TMEM181: variants seen among roughly 807,000 people sequenced by gnomAD.
The protein encoded by TMEM181 is G protein-coupled receptor 178.
In TMEM181, 39 loss-of-function variants were observed where a neutral mutation model predicts 71.9. The observed-to-expected ratio is 0.54, with a 90% confidence interval of 0.42 to 0.71. TMEM181 has a LOEUF of 0.71. Ranked by LOEUF, TMEM181 falls within the 30% of genes least tolerant of loss-of-function variation. TMEM181 has a pLI of 0.00. For missense variants in TMEM181, 595 were observed against 583.0 expected, an observed-to-expected ratio of 1.02 and a Z score of -0.21; for synonymous variants, 245 against 228.8, an observed-to-expected ratio of 1.07 and a Z score of -0.64.
rs1783436559 is a variant in TMEM181 at position 158,580,952 on chromosome 6, T to C, written c.125T>C (p.Ile42Thr). The C allele has an allele frequency of 6.2e-7, 1 of 1,609,246 alleles. No homozygotes were observed. Among genetic ancestry groups the C allele is most frequent in the South Asian group, 1.1e-5 (1 of 90,842 alleles). ...IFVGIRGPKVIQTSAANFSLN... is the reference protein window; with the variant it reads ...IFVGIRGPKVTQTSAANFSLN... The stretch of plus-strand genomic sequence containing the variant: ...TGTTACACTTTAGGACCTAAAGTGA[T>C]CCAGACTTCTGCGGCTAATTTTTCA... The change falls in exon 3 of 17, where the codon ATC (isoleucine) becomes ACC (threonine). Residue 42 changes from isoleucine (I) to threonine (T), a missense_variant. Coordinates refer to ENST00000684151, the MANE Select transcript of TMEM181 (RefSeq NM_001376852.1).
At chr6:158,558,863 G>A (rs566946745), upstream of TMEM181, among the ~76,000 whole-genome samples, 8 of 152,196 alleles carry the variant, frequency 5.3e-5, no homozygotes, top group South Asian at 1.7e-3. Context: ...AACTCCCTCC[G>A]ACTCACCCCT....
At chr6:158,559,952 G>C (rs1028352204), upstream of TMEM181, 57 of 661,586 alleles carry the variant, frequency 8.6e-5, no homozygotes, top group Non-Finnish European at 9.8e-5. Context: ...TCCCGGCCGT[G>C]GGGCTCCGCC....
At chr6:158,614,778 G>T (rs971445034) in intron 10 of TMEM181, among the ~76,000 whole-genome samples, 11 of 152,240 alleles carry the variant, frequency 7.2e-5, no homozygotes, top group Middle Eastern at 6.8e-3. Context: ...CAGAATGATG[G>T]TTTCCAGCTT....
At chr6:158,587,633 T>C (rs979605120) in intron 5 of TMEM181, among the ~76,000 whole-genome samples, 2 of 141,106 alleles carry the variant, frequency 1.4e-5, no homozygotes, top group Non-Finnish European at 3.1e-5. Flanking sequence ...CCTGGCTTCC[T>C]TTTTTTTTTT....
rs1786850855 is a variant in TMEM181, at chr6:158,634,734, GCTTAGATACATTTTGTAAACCC to G, written c.*2847_*2868del. On this transcript the variant is annotated 3_prime_UTR_variant, in exon 17 of 17. Transcript: ENST00000684151. Reference sequence around the variant, plus strand: ...TACATAATTGCAGATTGCAATAAAAGCTTAGATACATTTTGTAAACCCAACCCACTAAATGAGCAGGTTACAA... The same window carrying G: ...TACATAATTGCAGATTGCAATAAAAGAACCCACTAAATGAGCAGGTTACAA... The G allele has an allele frequency of 1.3e-5, 2 of 152,084 alleles. No homozygotes were observed. Among genetic ancestry groups the G allele is most frequent in the Non-Finnish European group, 2.9e-5 (2 of 68,010 alleles). The allele number at this position is 152,084 out of a possible 1,614,324, so 9.4% of individuals were successfully genotyped here. A position where few individuals can be genotyped will look rare whatever the true frequency, so the allele number is the denominator to read the frequency against.
intron 1 of TMEM181, among the ~76,000 whole-genome samples, chr6:158,570,837 T>A (rs1475632307): frequency 6.6e-6 from 1 of 152,078 alleles, no homozygotes; most frequent in African/African-American, 2.4e-5. Flanking sequence ...TTTAGCTTTG[T>A]GTCATTTTTT....
At chr6:158,571,251 C>T (rs757156187) in intron 1 of TMEM181, among the ~76,000 whole-genome samples, 37 of 152,146 alleles carry the variant, frequency 2.4e-4, no homozygotes, top group Non-Finnish European at 2.6e-4. Context: ...CACCCGCCAC[C>T]GCGCCCGGCT....
At chr6:158,628,179 CGGTG>C in intron 13 of TMEM181, 1 of 679,042 alleles carries the variant, frequency 1.5e-6, no homozygotes, top group Non-Finnish European at 2.7e-6. Flanking sequence ...TGCAGCCGGC[CGGTG>C]GGTCTAGCCC....
At chr6:158,590,052 G>C (rs978278166) in intron 6 of TMEM181, among the ~76,000 whole-genome samples, 1 of 152,180 alleles carries the variant, frequency 6.6e-6, no homozygotes, top group Non-Finnish European at 1.5e-5. Flanking sequence ...CAGTGAAGGG[G>C]TTAGCAGACA....
At chr6:158,612,285 G>C (rs4709237) in intron 10 of TMEM181, among the ~76,000 whole-genome samples, 22,089 of 152,226 alleles carry the variant, frequency 0.15, 2,769 homozygotes, top group East Asian at 0.65. Flanking sequence ...CAAGATGACG[G>C]TGCTCCTGCT....
At chr6:158,605,157 TG>T in intron 6 of TMEM181, 109 bp from the exon 7 acceptor site, 1 of 656,330 alleles carries the variant, frequency 1.5e-6, no homozygotes, top group Non-Finnish European at 2.7e-6. Flanking sequence ...TGTGTGTGTG[TG>T]TATGTGTATA....
intron 1 of TMEM181, among the ~76,000 whole-genome samples, chr6:158,550,892 GAAAA>G (rs368216274): frequency 5.7e-5 from 5 of 87,096 alleles, no homozygotes; most frequent in African/African-American, 1.7e-4. Context: ...TCTGTCTCAG[GAAAA>G]AAAAAAAAAA....
intron 1 of TMEM181, among the ~76,000 whole-genome samples, chr6:158,568,087 A>G (rs531244180): frequency 6.6e-6 from 1 of 152,086 alleles, no homozygotes; most frequent in South Asian, 2.1e-4. Flanking sequence ...CTGGGGATGA[A>G]GAGGAACTGG....
chr6:158,544,656 C>T (rs1047862907), intron 1 of TMEM181, among the ~76,000 whole-genome samples: 3 of 152,126 alleles, frequency 2.0e-5, no homozygotes, highest in Non-Finnish European at 2.9e-5. Flanking sequence ...TTGGTCTTCC[C>T]GCCTTCCTTC....
At chr6:158,594,419 A>G (rs1784284492) in intron 6 of TMEM181, among the ~76,000 whole-genome samples, 1 of 151,974 alleles carries the variant, frequency 6.6e-6, no homozygotes, top group African/African-American at 2.4e-5. Flanking sequence ...TTTTTCCAGA[A>G]TGTCATCTAG....
intron 1 of TMEM181, among the ~76,000 whole-genome samples, chr6:158,547,810 G>T (rs531855566): frequency 6.7e-6 from 1 of 149,476 alleles, no homozygotes; most frequent in African/African-American, 2.5e-5. Flanking sequence ...ACCTCCTGGT[G>T]CAGGCCCCAG....
chr6:158,634,703 T>A lies in TMEM181; in HGVS notation c.*2815T>A, dbSNP rs1333727548. On this transcript the variant is annotated 3_prime_UTR_variant, in exon 17 of 17. Transcript: ENST00000684151. ...ACTATGTTCAAGGTTTGTAAGGTTG[T>A]TAATGTACATAATTGCAGATTGCAA... 1 of 152,228 alleles carries A rather than the reference T, an allele frequency of 6.6e-6. No individual in the cohort carries two copies. Among genetic ancestry groups the A allele is most frequent in the Non-Finnish European group, 1.5e-5 (1 of 68,034 alleles). 9.4% of individuals were successfully genotyped at this position (152,228 alleles called of 1,614,324 possible).
chr6:158,594,120 T>TTTTTTTTTC (rs1554309324), intron 6 of TMEM181, among the ~76,000 whole-genome samples: 2 of 139,662 alleles, frequency 1.4e-5, no homozygotes. Context: ...TTTTTTTTTT[T>TTTTTTTTTC]CTGAGACAGA....
chr6:158,572,618 C>A, intron 1 of TMEM181: 1 of 379,756 alleles, frequency 2.6e-6, no homozygotes. Context: ...GTTCCCAAAG[C>A]CTCACATGTA....
Sources: allele counts gnomAD v4.1 joint callset (sites outside exome capture counted in the v4.1 genomes callset), GRCh38; gene constraint gnomAD v4.1.1; transcripts MANE v1.5; gene names NCBI Gene and HGNC (gene_info 2026-07-23, HGNC 2026-07-21).